Variants in CCDC180 observed in about 807,000 individuals in gnomAD.
CCDC180 encodes coiled-coil domain containing 180, also known as coiled-coil domain-containing protein 180.
Under a neutral mutation model 209.2 loss-of-function variants are expected in CCDC180, and 154 were observed. That is an observed-to-expected ratio of 0.74 (90% confidence interval 0.65 to 0.84). The LOEUF (loss-of-function observed/expected upper bound fraction) is 0.84, where lower values mean the gene tolerates loss of function less well. Ranked by LOEUF, CCDC180 falls within the 40% of genes least tolerant of loss-of-function variation. The pLI is 0.00. For synonymous variants in CCDC180, 778 were observed against 749.1 expected, an observed-to-expected ratio of 1.04 and a Z score of -0.63; for missense variants, 1,874 against 1,997.3, an observed-to-expected ratio of 0.94 and a Z score of 1.18.
Position 97,343,570 on chromosome 9 carries a change from A to T in CCDC180, c.2498+7A>T. The T allele has an allele frequency of 1.3e-6, 2 of 1,582,208 alleles. No individual in the cohort carries two copies. Among genetic ancestry groups the T allele is most frequent in the African/African-American group, 1.3e-5 (1 of 74,314 alleles). On this transcript the variant is annotated splice_region_variant and intron_variant, in intron 19 of 36. Coordinates refer to ENST00000529487, the MANE Select transcript of CCDC180 (RefSeq NM_020893.6). ...TTTTAGAAATTAAGAAACAGTGAGT[A>T]AAAAACTATTTTATTCTCATCCTGT... is the stretch of plus-strand genomic sequence containing the variant.
At position 97,343,583 on chromosome 9, in the gene CCDC180, A is replaced by T. The variant is rs749837002; in HGVS notation, c.2498+20A>T. 2 of 1,506,758 alleles carry T rather than the reference A, an allele frequency of 1.3e-6. No homozygotes were observed. Among genetic ancestry groups the T allele is most frequent in the East Asian group, 4.5e-5 (2 of 44,250 alleles). 93.3% of individuals were successfully genotyped at this position (1,506,758 alleles called of 1,614,324 possible). A position where few individuals can be genotyped will look rare whatever the true frequency, so the allele number is the denominator to read the frequency against. On this transcript the variant is annotated intron_variant, in intron 19 of 36. Transcript: ENST00000529487. ...GAAACAGTGAGTAAAAAACTATTTTATTCTCATCCTGTTGTTCTGAGTTTT... is the reference window on the plus strand; with the variant it reads ...GAAACAGTGAGTAAAAAACTATTTTTTTCTCATCCTGTTGTTCTGAGTTTT...
chr9:97,357,421 G>T (rs1398273867), intron 24 of CCDC180, among the ~76,000 whole-genome samples: 1 of 152,150 alleles, frequency 6.6e-6, no homozygotes, highest in African/African-American at 2.4e-5. Flanking sequence ...ACACTCTGGG[G>T]TGCCAATTTT....
chr9:97,344,045 T>TA (rs1826173577), intron 19 of CCDC180, among the ~76,000 whole-genome samples: 1 of 152,216 alleles, frequency 6.6e-6, no homozygotes. Flanking sequence ...GACCAAAAGA[T>TA]ACTGCCAAAG....
At chr9:97,327,200 C>T (rs1365583299) in intron 15 of CCDC180, among the ~76,000 whole-genome samples, 1 of 151,960 alleles carries the variant, frequency 6.6e-6, no homozygotes, top group Non-Finnish European at 1.5e-5. Flanking sequence ...CATGTACATT[C>T]TTGTTAAAGG....
At chr9:97,375,368 A>G in intron 35 of CCDC180, 86 bp from the exon 36 acceptor site, 1 of 1,549,922 alleles carries the variant, frequency 6.5e-7, no homozygotes, top group Non-Finnish European at 8.8e-7. Context: ...TTTCAAAGAA[A>G]TGCTAAGCTT....
chr9:97,359,051 C>T lies in CCDC180; in HGVS notation c.3364-931C>T, dbSNP rs1046427392. 3.9e-5 allele frequency among the ~76,000 whole-genome samples: 6 copies of T among 152,222 alleles called. 1 individual carries two copies. Among genetic ancestry groups the T allele is most frequent in the Non-Finnish European group, 8.8e-5 (6 of 68,044 alleles). ...CACTGTAAACCCTGTTATGTATATG[C>T]ATGCACTTGTTTCTACACATCCACT... On this transcript the variant is annotated intron_variant, in intron 25 of 36. Coordinates refer to ENST00000529487, the MANE Select transcript of CCDC180 (RefSeq NM_020893.6).
chr9:97,361,995 C>A, intron 27 of CCDC180, 97 bp downstream of exon 27: 1 of 1,421,044 alleles, frequency 7.0e-7, no homozygotes, highest in Non-Finnish European at 9.5e-7. Context: ...CTGGGGTTCC[C>A]ACGTGAGTCC....
intron 11 of CCDC180, 40 bp from the exon 12 acceptor site, chr9:97,322,793 T>C (rs1366317919): frequency 6.3e-7 from 1 of 1,579,190 alleles, no homozygotes; most frequent in East Asian, 2.2e-5. Context: ...TAATCTTCTC[T>C]TCCTTCTGGA....
intron 18 of CCDC180, among the ~76,000 whole-genome samples, chr9:97,334,979 A>G (rs1023486856): frequency 2.0e-5 from 3 of 152,340 alleles, no homozygotes; most frequent in African/African-American, 4.8e-5. Context: ...TCTCATGTCT[A>G]GTACTGTTCT....
chr9:97,364,356 AT>A, intron 29 of CCDC180: 1 of 491,604 alleles, frequency 2.0e-6, no homozygotes, highest in Non-Finnish European at 3.6e-6. Context: ...GCTAACAAGC[AT>A]TTCCTGGTGG....
intron 18 of CCDC180, among the ~76,000 whole-genome samples, chr9:97,331,900 TA>T (rs1196744077): frequency 2.0e-5 from 3 of 152,252 alleles, no homozygotes; most frequent in Non-Finnish European, 4.4e-5. Flanking sequence ...CTCTTTAGTT[TA>T]ATTAGGTCCA....
chr9:97,375,490 C>T lies in CCDC180; in HGVS notation c.4743C>T (p.Ile1581=). The change falls in exon 36 of 37, where the codon ATC becomes ATT. Residue 1581 remains isoleucine, a synonymous_variant. Coordinates refer to ENST00000529487, the MANE Select transcript of CCDC180 (RefSeq NM_020893.6). Reference sequence around the variant, plus strand: ...GGATCAAACCCACCGAAGTCACCATCCAAAACAAGATTCTTCTCCAGCCAA... The same window carrying T: ...GGATCAAACCCACCGAAGTCACCATTCAAAACAAGATTCTTCTCCAGCCAA... ...WPGIKPTEVT[I]QNKILLQPTS... is the part of the protein sequence containing the mutation. The T allele has an allele frequency of 1.2e-6, 2 of 1,614,204 alleles. 1 individual carries two copies. The highest frequency in any genetic ancestry group is 2.2e-5 in the South Asian group (2 of 91,088).
intron 29 of CCDC180, 122 bp from the exon 30 acceptor site, chr9:97,365,551 G>T: frequency 1.2e-6 from 1 of 811,198 alleles, no homozygotes; most frequent in South Asian, 1.4e-5. Context: ...GGGCAGCAGT[G>T]AGTAATTTCA....
chr9:97,356,103 C>T (rs1344684239), intron 24 of CCDC180, among the ~76,000 whole-genome samples: 1 of 152,080 alleles, frequency 6.6e-6, no homozygotes, highest in African/African-American at 2.4e-5. Flanking sequence ...GAATCATGGC[C>T]TGGGCACAAT....
chr9:97,320,992 G>A (rs1833339305), intron 11 of CCDC180, among the ~76,000 whole-genome samples: 1 of 152,166 alleles, frequency 6.6e-6, no homozygotes, highest in Admixed American at 6.5e-5. Context: ...TGGGGGCTGT[G>A]GTGCCTGGAT....
Position 97,357,788 on chromosome 9 carries a change from T to G in CCDC180, c.3363+63T>G, listed in dbSNP as rs969107317. 4.0e-5 allele frequency: 54 copies of G among 1,337,488 alleles called. 1 individual carries two copies. Among genetic ancestry groups the G allele is most frequent in the South Asian group, 7.6e-5 (6 of 79,278 alleles). The allele number at this position is 1,337,488 out of a possible 1,614,324, so 82.9% of individuals were successfully genotyped here. ...ATATATCATGCTAAAGTCATAAATG[T>G]GAAATAAATTTACCTGTGTGTATAG... On this transcript the variant is annotated intron_variant, in intron 25 of 36. Transcript: ENST00000529487.
intron 8 of CCDC180, among the ~76,000 whole-genome samples, chr9:97,315,278 A>G (rs1369461375): frequency 6.6e-6 from 1 of 152,154 alleles, no homozygotes; most frequent in Non-Finnish European, 1.5e-5. Context: ...ACTGTGTGCA[A>G]TGCAATAGGC....
In CCDC180 at chr9:97,364,859, G is replaced by A. The variant is rs568459309; in HGVS notation, c.3980+731G>A. 8.1e-4 allele frequency among the ~76,000 whole-genome samples: 124 copies of A among 152,352 alleles called. No individual in the cohort carries two copies. In the Middle Eastern group the frequency reaches 0.01, roughly 13 times the overall value. ...CTGTTCATTTGATTACTATTTAGGAGTAATCATTCTTTCAGCTAATCGAGG... is the reference window on the plus strand; with the variant it reads ...CTGTTCATTTGATTACTATTTAGGAATAATCATTCTTTCAGCTAATCGAGG... On this transcript the variant is annotated intron_variant, in intron 29 of 36. Transcript: ENST00000529487.
At chr9:97,331,191 CCTTT>C (rs1194047347) in intron 18 of CCDC180, among the ~76,000 whole-genome samples, 1 of 152,062 alleles carries the variant, frequency 6.6e-6, no homozygotes, top group African/African-American at 2.4e-5. Flanking sequence ...GTTTTCTGTT[CCTTT>C]GTTAGTTTGC....
Sources: allele counts gnomAD v4.1 joint callset (sites outside exome capture counted in the v4.1 genomes callset), GRCh38; gene constraint gnomAD v4.1.1; transcripts MANE v1.5; gene names NCBI Gene and HGNC (gene_info 2026-07-23, HGNC 2026-07-21).